MACROD2: variants seen among roughly 807,000 people sequenced by gnomAD.
The protein encoded by MACROD2 is mono-ADP ribosylhydrolase 2.
Under a neutral mutation model 70.4 loss-of-function variants are expected in MACROD2, and 36 were observed. The observed-to-expected ratio is 0.51, with a 90% CI of 0.39 to 0.68. MACROD2 has a LOEUF of 0.68. Ranked by LOEUF, MACROD2 falls within the 30% of genes least tolerant of loss-of-function variation. MACROD2 has a pLI of 0.00. For synonymous variants in MACROD2, 172 were observed against 178.8 expected (o/e 0.96, Z 0.30); for missense variants, 496 against 538.4 (o/e 0.92, Z 0.78).
Position 15,518,206 on chromosome 20 carries a change from G to A in MACROD2, c.645+18359G>A, listed in dbSNP as rs145157980. Among the ~76,000 whole-genome samples, 98 of 152,346 alleles carry A rather than the reference G, an allele frequency of 6.4e-4. 1 individual carries two copies. Among genetic ancestry groups the A allele is most frequent in the African/African-American group, 2.0e-3 (85 of 41,580 alleles). On this transcript the variant is annotated intron_variant, in intron 8 of 17. Coordinates refer to ENST00000684519, the MANE Select transcript of MACROD2 (RefSeq NM_001351661.2). The stretch of plus-strand genomic sequence containing the variant: ...GAATCTGACATTTAATAGCTGAGAT[G>A]ATAGTGGTCAAATACTTCTCGAGGT...
At chr20:14,523,878 A>G (rs1568653388) in intron 4 of MACROD2, among the ~76,000 whole-genome samples, 1 of 152,184 alleles carries the variant, frequency 6.6e-6, no homozygotes, top group Non-Finnish European at 1.5e-5. Flanking sequence ...ATGGTATTAA[A>G]CATCCCCTTT....
chr20:14,013,924 T>C (rs530317307), intron 2 of MACROD2, among the ~76,000 whole-genome samples: 1 of 152,108 alleles, frequency 6.6e-6, no homozygotes, highest in Non-Finnish European at 1.5e-5. Context: ...TCCACCTGCC[T>C]CAGGCTCCCA....
intron 7 of MACROD2, among the ~76,000 whole-genome samples, chr20:15,497,068 A>C (rs1209726463): frequency 6.6e-6 from 1 of 152,216 alleles, no homozygotes. Context: ...GGAGTCCGTC[A>C]AACATGGCGG....
intron 5 of MACROD2, among the ~76,000 whole-genome samples, chr20:14,802,490 T>TA (rs139158213): frequency 0.034 from 5,102 of 152,166 alleles, 150 homozygotes; most frequent in Non-Finnish European, 0.049. Flanking sequence ...ACACTGTTGA[T>TA]ACATGTGCTT....
At chr20:14,593,463 G>C (rs1424846826) in intron 4 of MACROD2, among the ~76,000 whole-genome samples, 1 of 152,160 alleles carries the variant, frequency 6.6e-6, no homozygotes, top group African/African-American at 2.4e-5. Flanking sequence ...TTAATTAACA[G>C]CTTTGTGGTG....
intron 2 of MACROD2, among the ~76,000 whole-genome samples, chr20:14,048,014 C>T (rs2259792): frequency 0.92 from 137,131 of 148,706 alleles, 62,811 homozygotes; most frequent in East Asian, 0.99. Flanking sequence ...ATTTTTTTTT[C>T]TTTTAATGCT....
At chr20:15,261,595 C>A (rs1422255682) in intron 6 of MACROD2, among the ~76,000 whole-genome samples, 1 of 151,934 alleles carries the variant, frequency 6.6e-6, no homozygotes, top group East Asian at 1.9e-4. Flanking sequence ...ATTTAAACAT[C>A]TTGGGTCCTT....
intron 6 of MACROD2, among the ~76,000 whole-genome samples, chr20:15,377,112 G>A (rs1026255328): frequency 4.6e-5 from 7 of 152,058 alleles, no homozygotes; most frequent in Admixed American, 2.0e-4. Context: ...GGATGGTCTC[G>A]ATCTCCTGAC....
intron 3 of MACROD2, among the ~76,000 whole-genome samples, chr20:14,280,353 T>C (rs2082297220): frequency 6.6e-6 from 1 of 152,208 alleles, no homozygotes; most frequent in Non-Finnish European, 1.5e-5. Context: ...GATATATGCT[T>C]AATGTGCTTT....
At chr20:14,973,332 C>T (rs935631523) in intron 5 of MACROD2, among the ~76,000 whole-genome samples, 2 of 148,004 alleles carry the variant, frequency 1.4e-5, no homozygotes, top group Non-Finnish European at 3.0e-5. Flanking sequence ...AAGTGATTCT[C>T]CTACATCAGC....
At chr20:15,370,951 T>G (rs1396911501) in intron 6 of MACROD2, among the ~76,000 whole-genome samples, 1 of 152,100 alleles carries the variant, frequency 6.6e-6, no homozygotes, top group African/African-American at 2.4e-5. Context: ...CATATTGTCT[T>G]AAGTTTTAAC....
In MACROD2 at chr20:14,306,727, G is replaced by C. The variant is rs369562976; in HGVS notation, c.272-186752G>C. Among the ~76,000 whole-genome samples, 10 of 152,162 alleles carry C rather than the reference G, an allele frequency of 6.6e-5. No individual in the cohort carries two copies. The East Asian group carries it at 1.4e-3, about 21-fold the overall frequency. Reference sequence around the variant, plus strand: ...TCAGACAGCTAGGATCTTAAAAATAGAGAGGCTGAGAGCAAACAAGATCCT... The same window carrying C: ...TCAGACAGCTAGGATCTTAAAAATACAGAGGCTGAGAGCAAACAAGATCCT... On this transcript the variant is annotated intron_variant, in intron 3 of 17. Transcript: ENST00000684519.
At chr20:14,030,482 A>G (rs1457222654) in intron 2 of MACROD2, among the ~76,000 whole-genome samples, 1 of 151,814 alleles carries the variant, frequency 6.6e-6, no homozygotes, top group African/African-American at 2.4e-5. Context: ...GATTTCGGCT[A>G]GCTGCAACCT....
At chr20:15,140,523 C>A (rs1015563546) in intron 5 of MACROD2, among the ~76,000 whole-genome samples, 2 of 152,040 alleles carry the variant, frequency 1.3e-5, no homozygotes, top group African/African-American at 4.8e-5. Flanking sequence ...ACTTGATATC[C>A]TTTGGGGAGG....
chr20:15,284,336 C>G (rs993309336), intron 6 of MACROD2, among the ~76,000 whole-genome samples: 1 of 152,084 alleles, frequency 6.6e-6, no homozygotes, highest in Admixed American at 6.6e-5. Flanking sequence ...AGAGTCAGCT[C>G]ATTGTATTCC....
chr20:15,267,353 C>A lies in MACROD2; in HGVS notation c.540+37292C>A, dbSNP rs1312157777. On this transcript the variant is annotated intron_variant, in intron 6 of 17. Transcript: ENST00000684519. Reference sequence around the variant, plus strand: ...TTCTCACAGGCCATTATAATTTGTTCTTTGCTTCTCTGCCTTCTGCACCAG... The same window carrying A: ...TTCTCACAGGCCATTATAATTTGTTATTTGCTTCTCTGCCTTCTGCACCAG... 2.0e-5 allele frequency among the ~76,000 whole-genome samples: 3 copies of A among 152,132 alleles called. No homozygotes were observed. In the East Asian group the frequency reaches 5.8e-4, roughly 29 times the overall value.
At chr20:15,845,986 A>G (rs1324226195) in intron 8 of MACROD2, among the ~76,000 whole-genome samples, 1 of 152,198 alleles carries the variant, frequency 6.6e-6, no homozygotes, top group African/African-American at 2.4e-5. Flanking sequence ...TGGCCTGTCT[A>G]AAACAGGTTT....
chr20:15,765,956 G>A (rs2051517695), intron 8 of MACROD2, among the ~76,000 whole-genome samples: 1 of 152,182 alleles, frequency 6.6e-6, no homozygotes, highest in African/African-American at 2.4e-5. Context: ...ATTCTGGAGA[G>A]AGAGAGAAAG....
intron 2 of MACROD2, among the ~76,000 whole-genome samples, chr20:14,049,544 C>T (rs1220160240): frequency 1.0e-4 from 15 of 150,112 alleles, no homozygotes; most frequent in African/African-American, 3.7e-4. Flanking sequence ...AGTTCAAGAC[C>T]AGCCTGGCCA....
Sources: gnomAD v4.1 joint callset for allele counts (sites outside exome capture counted in the v4.1 genomes callset) on GRCh38, gnomAD v4.1.1 for gene constraint, MANE v1.5 for transcripts, NCBI Gene and HGNC (gene_info 2026-07-23, HGNC 2026-07-21) for gene names.